The following PPP1R9A variants were observed in gnomAD, a reference collection of about 807,000 sequenced individuals.
PPP1R9A encodes neurabin-1.
In PPP1R9A, 59 loss-of-function variants were observed where a neutral mutation model predicts 141.9. The ratio of observed to expected loss-of-function variants is 0.42; its 90% CI spans 0.34 to 0.52. The LOEUF (loss-of-function observed/expected upper bound fraction) is 0.52. Ranked by LOEUF, PPP1R9A falls within the 20% of genes least tolerant of loss-of-function variation. The pLI is 0.10. For missense variants in PPP1R9A, 1,444 were observed against 1,611.9 expected (o/e 0.90, Z 1.78); for synonymous variants, 500 against 569.7 (o/e 0.88, Z 1.74).
Position 95,284,187 on chromosome 7 carries a change from ACT to A in PPP1R9A, c.3469_3470del (p.Leu1157AsnfsTer4). ...AAGTTCCCTTCAGCCTTCTCCTGAG[ACT>A]CTAATTTCAGATAAAAAGGGGTCCA... Reference protein sequence around the residue: ...PTSSLQPSPETLISDKKGSKV... With the variant: ...PTSSLQPSPEXLISDKKGSKV... On this transcript the variant is annotated frameshift_variant, in exon 17 of 20. Coordinates refer to ENST00000433360, the MANE Select transcript of PPP1R9A (RefSeq NM_001166160.2). LOFTEE classifies it high-confidence loss of function. 6.3e-7 allele frequency: 1 copy of A among 1,584,254 alleles called. No individual in the cohort carries two copies. The highest frequency in any genetic ancestry group is 8.6e-7 in the Non-Finnish European group (1 of 1,166,000).
intron 2 of PPP1R9A, among the ~76,000 whole-genome samples, chr7:94,960,640 T>G (rs1221720748): frequency 6.6e-6 from 1 of 151,726 alleles, no homozygotes; most frequent in East Asian, 1.9e-4. Flanking sequence ...GTAAGTAATA[T>G]TAATCCCTCA....
intron 2 of PPP1R9A, among the ~76,000 whole-genome samples, chr7:94,917,941 C>T (rs1179956795): frequency 6.6e-6 from 1 of 152,124 alleles, no homozygotes; most frequent in East Asian, 1.9e-4. Context: ...CTTTCTCTAC[C>T]ACTTGAAAAC....
At chr7:95,260,029 A>G (rs1335331046) in intron 12 of PPP1R9A, among the ~76,000 whole-genome samples, 1 of 152,158 alleles carries the variant, frequency 6.6e-6, no homozygotes, top group African/African-American at 2.4e-5. Context: ...ATTGAATTGC[A>G]CTAATAATTA....
chr7:94,999,134 T>C (rs1563100016), intron 2 of PPP1R9A, among the ~76,000 whole-genome samples: 1 of 152,224 alleles, frequency 6.6e-6, no homozygotes, highest in African/African-American at 2.4e-5. Context: ...TATATTGTGA[T>C]GAATGATGTA....
intron 8 of PPP1R9A, among the ~76,000 whole-genome samples, chr7:95,229,884 T>TA (rs77311218): frequency 0.39 from 59,340 of 151,708 alleles, 12,304 homozygotes; most frequent in South Asian, 0.5. Context: ...TCAATAAAAA[T>TA]ACAACCAAGG....
At chr7:94,908,916 T>C (rs1476468396) in intron 1 of PPP1R9A, among the ~76,000 whole-genome samples, 2 of 152,072 alleles carry the variant, frequency 1.3e-5, no homozygotes, top group African/African-American at 4.8e-5. Flanking sequence ...CCTCAGCTGA[T>C]TGTGCGTGAG....
At chr7:95,257,413 C>T (rs1799743725) in intron 12 of PPP1R9A, among the ~76,000 whole-genome samples, 1 of 152,106 alleles carries the variant, frequency 6.6e-6, no homozygotes, top group South Asian at 2.1e-4. Flanking sequence ...TGGATTCTAC[C>T]TCACATTATT....
chr7:94,991,339 T>C (rs1801481727), intron 2 of PPP1R9A, among the ~76,000 whole-genome samples: 1 of 152,228 alleles, frequency 6.6e-6, no homozygotes, highest in Non-Finnish European at 1.5e-5. Context: ...GGGAAATGTC[T>C]GTTCAGACCA....
chr7:95,183,251 C>T (rs1028289090), intron 5 of PPP1R9A, among the ~76,000 whole-genome samples: 4 of 151,680 alleles, frequency 2.6e-5, no homozygotes, highest in African/African-American at 9.7e-5. Context: ...GATTCTCCTG[C>T]GTCACCCTCC....
intron 2 of PPP1R9A, among the ~76,000 whole-genome samples, chr7:95,067,981 C>G (rs1307381212): frequency 6.7e-6 from 1 of 150,092 alleles, no homozygotes; most frequent in Non-Finnish European, 1.5e-5. Context: ...ACCCTTATCT[C>G]CCTTCACTGA....
intron 2 of PPP1R9A, among the ~76,000 whole-genome samples, chr7:95,013,565 CT>C (rs1804709643): frequency 6.6e-6 from 1 of 152,060 alleles, no homozygotes; most frequent in Admixed American, 6.6e-5. Context: ...TTCACCAAAT[CT>C]TTTCTGTGTA....
At chr7:95,205,169 G>A (rs929478456) in intron 7 of PPP1R9A, among the ~76,000 whole-genome samples, 1 of 152,154 alleles carries the variant, frequency 6.6e-6, no homozygotes, top group Non-Finnish European at 1.5e-5. Context: ...ATACAGGTTA[G>A]GATAGGAACC....
intron 2 of PPP1R9A, among the ~76,000 whole-genome samples, chr7:95,101,080 C>A (rs1818730271): frequency 6.6e-6 from 1 of 151,802 alleles, no homozygotes; most frequent in Admixed American, 6.6e-5. Flanking sequence ...TCTCGATCTC[C>A]TGACCTCGTG....
chr7:94,954,618 G>T (rs1485431734), intron 2 of PPP1R9A, among the ~76,000 whole-genome samples: 1 of 150,990 alleles, frequency 6.6e-6, no homozygotes, highest in African/African-American at 2.4e-5. Flanking sequence ...CAGGGAATTT[G>T]GTTCACTTAG....
chr7:94,969,079 G>A (rs1240935873), intron 2 of PPP1R9A, among the ~76,000 whole-genome samples: 1 of 151,910 alleles, frequency 6.6e-6, no homozygotes, highest in Non-Finnish European at 1.5e-5. Context: ...TTTGCATTGG[G>A]TTAGAACATG....
chr7:95,267,912 T>A (rs1679677231), intron 12 of PPP1R9A, among the ~76,000 whole-genome samples: 1 of 152,180 alleles, frequency 6.6e-6, no homozygotes, highest in Non-Finnish European at 1.5e-5. Flanking sequence ...TTTCTTCATT[T>A]GTGTAGCCAG....
chr7:95,144,883 G>T (rs972371876), intron 4 of PPP1R9A, among the ~76,000 whole-genome samples: 1 of 152,168 alleles, frequency 6.6e-6, no homozygotes, highest in East Asian at 1.9e-4. Context: ...CAGCAAACTT[G>T]CAGGATCAAC....
At chr7:95,216,585 T>C (rs912725773) in intron 7 of PPP1R9A, among the ~76,000 whole-genome samples, 14 of 152,238 alleles carry the variant, frequency 9.2e-5, no homozygotes, top group African/African-American at 3.1e-4. Flanking sequence ...ATATTGATTC[T>C]ACCTATCCAT....
chr7:95,077,849 C>T (rs1815099354), intron 2 of PPP1R9A, among the ~76,000 whole-genome samples: 1 of 152,074 alleles, frequency 6.6e-6, no homozygotes, highest in African/African-American at 2.4e-5. Context: ...TCAGTGCCTT[C>T]TCCATTGATA....
Sources: allele counts gnomAD v4.1 joint callset (sites outside exome capture counted in the v4.1 genomes callset), GRCh38; gene constraint gnomAD v4.1.1; transcripts MANE v1.5; gene names NCBI Gene and HGNC (gene_info 2026-07-23, HGNC 2026-07-21).